ARID5A: variants seen among roughly 807,000 people sequenced by gnomAD.
ARID5A encodes AT-rich interactive domain-containing protein 5A.
Under a neutral mutation model 30.5 loss-of-function variants are expected in ARID5A, and 14 were observed. The observed-to-expected ratio is 0.46, with a 90% CI of 0.30 to 0.72. The LOEUF (loss-of-function observed/expected upper bound fraction) is 0.72. ARID5A is among the 30% of genes least tolerant of loss of function. The pLI, the probability that ARID5A is intolerant of heterozygous loss-of-function variation, is 0.07. For missense variants in ARID5A, 669 were observed against 786.2 expected, an observed-to-expected ratio of 0.85 and a Z score of 1.78; for synonymous variants, 338 against 340.4, an observed-to-expected ratio of 0.99 and a Z score of 0.08.
chr2:96,549,746 C>A lies in ARID5A; in HGVS notation c.260-7C>A. 2.5e-6 allele frequency: 4 copies of A among 1,613,938 alleles called. No homozygotes were observed. The highest frequency in any genetic ancestry group is 3.4e-6 in the Non-Finnish European group (4 of 1,179,944). ...ACTGACGGCCAGCCTGCTCTTCTCT[C>A]CCCCAGTTAACCTGTGGAAGATCTA... On this transcript the variant is annotated splice_region_variant and splice_polypyrimidine_tract_variant and intron_variant, in intron 3 of 6. Coordinates refer to ENST00000357485, the MANE Select transcript of ARID5A (RefSeq NM_212481.3). This position sits in a 1 kb window ranked among gnomAD's most constrained non-coding sequence, Gnocchi z 6.1.
chr2:96,549,274 C>T lies in ARID5A; in HGVS notation c.121-47C>T. ...GTGGTTTCTGCACATCCCCAGCAGC[C>T]AGCCACCAACTGGGGCCCATCCCAA... On this transcript the variant is annotated intron_variant, in intron 2 of 6. Coordinates refer to ENST00000357485, the MANE Select transcript of ARID5A (RefSeq NM_212481.3). The surrounding 1 kb of genome is among the most constrained non-coding windows in gnomAD (Gnocchi z 6.1). The T allele has an allele frequency of 1.3e-6, 2 of 1,592,062 alleles. No homozygotes were observed. The highest frequency in any genetic ancestry group is 1.7e-6 in the Non-Finnish European group (2 of 1,169,124).
At position 96,551,668 on chromosome 2, in the gene ARID5A, G is replaced by C; in HGVS notation, c.1140G>C (p.Leu380=). The change falls in exon 7 of 7, where the codon CTG becomes CTC. Residue 380 remains leucine (L), a synonymous_variant. Transcript: ENST00000357485. ...VLLGPPGKEG[L]SVKEPQLVWG... ...TGGGGCCTCCTGGCAAAGAGGGGCT[G>C]TCAGTGAAAGAGCCCCAGCTGGTGT... 6.6e-7 allele frequency: 1 copy of C among 1,523,588 alleles called. No individual in the cohort carries two copies. Among genetic ancestry groups the C allele is most frequent in the South Asian group, 1.3e-5 (1 of 75,822 alleles). 94.4% of individuals were successfully genotyped at this position (1,523,588 alleles called of 1,614,324 possible).
rs1405534600 is a variant in ARID5A, at chr2:96,549,793, G to C, written c.300G>C (p.Gly100=). The part of the protein sequence containing the change: ...WKIYKAVEKL[G]AYELVTGRRL... ...TCTACAAAGCAGTGGAGAAGCTGGG[G>C]GCCTATGAGCTGGTAAGGAAGGCAC... The change falls in exon 4 of 7, where the codon GGG becomes GGC. Residue 100 remains glycine (G), a synonymous_variant. Transcript: ENST00000357485. This position sits in a 1 kb window ranked among gnomAD's most constrained non-coding sequence, Gnocchi z 6.1. 1 of 1,613,326 alleles carries C rather than the reference G, an allele frequency of 6.2e-7. No individual in the cohort carries two copies. Among genetic ancestry groups the C allele is most frequent in the South Asian group, 1.1e-5 (1 of 90,970 alleles).
In ARID5A at chr2:96,551,719, T is replaced by C. The variant is rs774544425; in HGVS notation, c.1191T>C (p.Ser397=). The stretch of plus-strand genomic sequence containing the variant: ...GGGGCGGAGACGCTAACCGCCCTTC[T>C]GCGTTCCATAAAGGTGGCTCCAGAA... ...LVWGGDANRP[S]AFHKGGSRKG... is the part of the protein sequence containing the mutation. The change falls in exon 7 of 7, where the codon TCT becomes TCC. Residue 397 remains serine, a synonymous_variant. Transcript: ENST00000357485. 3.3e-6 allele frequency: 5 copies of C among 1,519,310 alleles called. No homozygotes were observed. In the Admixed American group the frequency reaches 1.1e-4, roughly 34 times the overall value. The allele number at this position is 1,519,310 out of a possible 1,614,324, so 94.1% of individuals were successfully genotyped here.
intron 1 of ARID5A, among the ~76,000 whole-genome samples, chr2:96,543,409 C>T (rs1397060358): frequency 6.6e-6 from 1 of 151,706 alleles, no homozygotes; most frequent in Non-Finnish European, 1.5e-5. Context: ...AACCCAGCAT[C>T]GAGCAAGTCT....
intron 1 of ARID5A, among the ~76,000 whole-genome samples, chr2:96,541,869 C>T (rs994081178): frequency 1.3e-5 from 2 of 152,234 alleles, no homozygotes; most frequent in African/African-American, 4.8e-5. Flanking sequence ...TGCGGTGGCT[C>T]ACAGCAGCAG....
chr2:96,550,014 T>C lies in ARID5A; in HGVS notation c.313-174T>C. 1 of 1,533,950 alleles carries C rather than the reference T, an allele frequency of 6.5e-7. No individual in the cohort carries two copies. The highest frequency in any genetic ancestry group is 2.4e-5 in the East Asian group (1 of 40,886). On this transcript the variant is annotated intron_variant, in intron 4 of 6. Coordinates refer to ENST00000357485, the MANE Select transcript of ARID5A (RefSeq NM_212481.3). The surrounding 1 kb of genome is among the most constrained non-coding windows in gnomAD (Gnocchi z 6.6). ...TCTGCCCGCCCCGTGTTGGGAAAAC[T>C]GCTTGGGCCAGCAGTCCATGGCCCT...
Position 96,537,402 on chromosome 2 carries a change from C to G in ARID5A, c.4+572C>G, listed in dbSNP as rs2065755453. The G allele has an allele frequency of 6.6e-6, 1 of 152,474 alleles. No homozygotes were observed. Among genetic ancestry groups the G allele is most frequent in the Admixed American group, 6.5e-5 (1 of 15,292 alleles). The allele number at this position is 152,474 out of a possible 1,614,324, so 9.4% of individuals were successfully genotyped here. A position where few individuals can be genotyped will look rare whatever the true frequency, so the allele number is the denominator to read the frequency against. On this transcript the variant is annotated intron_variant, in intron 1 of 6. Coordinates refer to ENST00000357485, the MANE Select transcript of ARID5A (RefSeq NM_212481.3). The surrounding 1 kb of genome is among the most constrained non-coding windows in gnomAD (Gnocchi z 4.8). Reference sequence around the variant, plus strand: ...ACTTGCTCAATGCGCTTTGTAGGATCCACTGTTCCTCTTTCGGCCGCGGGC... The same window carrying G: ...ACTTGCTCAATGCGCTTTGTAGGATGCACTGTTCCTCTTTCGGCCGCGGGC...
rs778313047 is a variant in ARID5A at position 96,547,445 on chromosome 2, C to T, written c.48C>T (p.Asp16=). The T allele has an allele frequency of 2.8e-5, 45 of 1,613,916 alleles. No individual in the cohort carries two copies. Among genetic ancestry groups the T allele is most frequent in the Middle Eastern group, 1.6e-4 (1 of 6,084 alleles). ...ACAGGAAGCAGTCCACGGAGGGTGA[C>T]GCCCTAGACCCACCTGCATCCCCCA... The part of the protein sequence containing the change: ...KGNRKQSTEG[D]ALDPPASPKP... The change falls in exon 2 of 7, where the codon GAC becomes GAT. Residue 16 remains aspartate, a synonymous_variant. Transcript: ENST00000357485.
Position 96,547,438 on chromosome 2 carries a change from A to T in ARID5A, c.41A>T (p.Glu14Val). Residue 14 changes from glutamate to valine, a missense_variant, in exon 2 of 7, where the codon GAG becomes GTG. By Grantham distance (121) the Glu-to-Val change is moderately radical. This residue lies in a region of ARID5A where 56 missense variants were observed against 72.8 expected (regional missense o/e 0.77). Transcript: ENST00000357485. ...PVKGNRKQSTEGDALDPPASP... is the reference protein window; with the variant it reads ...PVKGNRKQSTVGDALDPPASP... ...AAAGGGAACAGGAAGCAGTCCACGG[A>T]GGGTGACGCCCTAGACCCACCTGCA... is the stretch of plus-strand genomic sequence containing the variant. 4 of 1,613,946 alleles carry T rather than the reference A, an allele frequency of 2.5e-6. No homozygotes were observed. The highest frequency in any genetic ancestry group is 3.4e-6 in the Non-Finnish European group (4 of 1,179,972).
intron 1 of ARID5A, among the ~76,000 whole-genome samples, 154 bp downstream of exon 1, chr2:96,536,984 G>A (rs1381529028): frequency 6.6e-6 from 1 of 152,044 alleles, no homozygotes; most frequent in Non-Finnish European, 1.5e-5. Context: ...CGCGGGCCAA[G>A]GGGAGCGAGC....
intron 1 of ARID5A, among the ~76,000 whole-genome samples, chr2:96,540,884 T>G (rs550098930): frequency 6.6e-6 from 1 of 151,776 alleles, no homozygotes; most frequent in Non-Finnish European, 1.5e-5. Context: ...TAGCTGGGAT[T>G]ATTGGCGTGT....
intron 1 of ARID5A, 90 bp downstream of exon 1, chr2:96,536,920 G>A (rs1473671957): frequency 8.2e-7 from 1 of 1,215,816 alleles, no homozygotes; most frequent in African/African-American, 1.6e-5. Context: ...TCCAGCCCTC[G>A]TGGCAGTCGG....
At chr2:96,548,402 A>G (rs2065966453) in intron 2 of ARID5A, among the ~76,000 whole-genome samples, 1 of 152,192 alleles carries the variant, frequency 6.6e-6, no homozygotes, top group Admixed American at 6.5e-5. Flanking sequence ...AGTAGCTGGG[A>G]TTACAGGCAT....
chr2:96,537,186 T>A lies in ARID5A; in HGVS notation c.4+356T>A, dbSNP rs1327098106. Among the ~76,000 whole-genome samples, 1 of 152,194 alleles carries A rather than the reference T, an allele frequency of 6.6e-6. No individual in the cohort carries two copies. Among genetic ancestry groups the A allele is most frequent in the Non-Finnish European group, 1.5e-5 (1 of 68,026 alleles). ...GGTACGGCTCTGTCGTCCCACTTCC[T>A]GCTGCGGTTTCCACCTCGAGCTGGG... On this transcript the variant is annotated intron_variant, in intron 1 of 6. Coordinates refer to ENST00000357485, the MANE Select transcript of ARID5A (RefSeq NM_212481.3). This position sits in a 1 kb window ranked among gnomAD's most constrained non-coding sequence, Gnocchi z 4.8.
At chr2:96,544,389 T>C (rs566997908) in intron 1 of ARID5A, among the ~76,000 whole-genome samples, 4 of 152,346 alleles carry the variant, frequency 2.6e-5, no homozygotes, top group African/African-American at 9.6e-5. Flanking sequence ...AGGCTGACTC[T>C]CTTGTTAGGG....
In ARID5A at chr2:96,549,771, A is replaced by G; in HGVS notation, c.278A>G (p.Tyr93Cys). The G allele has an allele frequency of 6.2e-7, 1 of 1,613,840 alleles. No individual in the cohort carries two copies. The highest frequency in any genetic ancestry group is 8.5e-7 in the Non-Finnish European group (1 of 1,179,920). The change falls in exon 4 of 7, where the codon TAC (tyrosine) becomes TGC (cysteine). Residue 93 changes from tyrosine (Y) to cysteine (C), a missense_variant. Transcript: ENST00000357485. This position sits in a 1 kb window ranked among gnomAD's most constrained non-coding sequence, Gnocchi z 6.1. Reference protein sequence around the residue: ...GFKQINLWKIYKAVEKLGAYE... With the variant: ...GFKQINLWKICKAVEKLGAYE... Reference sequence around the variant, plus strand: ...CCCCCAGTTAACCTGTGGAAGATCTACAAAGCAGTGGAGAAGCTGGGGGCC... The same window carrying G: ...CCCCCAGTTAACCTGTGGAAGATCTGCAAAGCAGTGGAGAAGCTGGGGGCC...
Position 96,536,782 on chromosome 2 carries a change from C to G in ARID5A, c.-45C>G. 8.2e-7 allele frequency: 1 copy of G among 1,226,212 alleles called. No individual in the cohort carries two copies. Among genetic ancestry groups the G allele is most frequent in the Non-Finnish European group, 1.0e-6 (1 of 984,296 alleles). 76.0% of individuals were successfully genotyped at this position (1,226,212 alleles called of 1,614,324 possible). ...AGAGAGCGCGGGGTCCGGACAGCCGCGCGCTGAGGGTCTCGGGGCGGGCGC... is the reference window on the plus strand; with the variant it reads ...AGAGAGCGCGGGGTCCGGACAGCCGGGCGCTGAGGGTCTCGGGGCGGGCGC... On this transcript the variant is annotated 5_prime_UTR_variant, in exon 1 of 7. Coordinates refer to ENST00000357485, the MANE Select transcript of ARID5A (RefSeq NM_212481.3).
chr2:96,551,279 A>T lies in ARID5A; in HGVS notation c.751A>T (p.Thr251Ser). 1 of 1,613,874 alleles carries T rather than the reference A, an allele frequency of 6.2e-7. No individual in the cohort carries two copies. Among genetic ancestry groups the T allele is most frequent in the Non-Finnish European group, 8.5e-7 (1 of 1,180,000 alleles). Residue 251 changes from threonine to serine, a missense_variant, in exon 7 of 7, where the codon ACA (threonine) becomes TCA (serine). By Grantham distance (58) the Thr-to-Ser change is moderately conservative. This residue lies in a region of ARID5A where 548 missense variants were observed against 577.4 expected (regional missense o/e 0.95). Transcript: ENST00000357485. Reference sequence around the variant, plus strand: ...CCTATCCAGCTTCTACTGCAAGGGGACACACGGCATCATGTCACCACTGGC... The same window carrying T: ...CCTATCCAGCTTCTACTGCAAGGGGTCACACGGCATCATGTCACCACTGGC... ...RLLSSFYCKG[T>S]HGIMSPLAKK...
Sources: gnomAD v4.1 joint callset for allele counts (sites outside exome capture counted in the v4.1 genomes callset) on GRCh38, gnomAD v4.1.1 for gene constraint, gnomAD v4.1.1 regional missense constraint, Gnocchi (gnomAD v3.1) non-coding constraint, MANE v1.5 for transcripts, NCBI Gene and HGNC (gene_info 2026-07-23, HGNC 2026-07-21) for gene names.